U2SURP: variants seen among roughly 807,000 people sequenced by gnomAD.
U2SURP encodes the protein U2 snRNP associated SURP domain containing, also known as U2 snRNP-associated SURP motif-containing protein.
A neutral mutation model predicts 144.9 loss-of-function variants in U2SURP; 9 were observed. The ratio of observed to expected loss-of-function variants is 0.06; its 90% CI spans 0.04 to 0.11. The LOEUF (loss-of-function observed/expected upper bound fraction) is 0.11. U2SURP is among the 10% of genes least tolerant of loss of function. The pLI, the probability that U2SURP is intolerant of heterozygous loss-of-function variation, is 1.00. For missense variants in U2SURP, 724 were observed against 1,226.7 expected, an observed-to-expected ratio of 0.59 and a Z score of 6.12; for synonymous variants, 408 against 396.8, an observed-to-expected ratio of 1.03 and a Z score of -0.33.
In U2SURP at chr3:143,038,094, T is replaced by C. The variant is rs1214800353; in HGVS notation, c.2222-14T>C. ...ACTAGTAGTCAGGGTTAATGGCTTA[T>C]CTTTCCCTAATAGTGGATGCAACTG... On this transcript the variant is annotated splice_polypyrimidine_tract_variant and intron_variant, in intron 21 of 27. Transcript: ENST00000473835. 2 of 1,585,690 alleles carry C rather than the reference T, an allele frequency of 1.3e-6. No homozygotes were observed. Among genetic ancestry groups the C allele is most frequent in the Non-Finnish European group, 1.7e-6 (2 of 1,167,572 alleles).
Position 143,056,430 on chromosome 3 carries a change from T to C in U2SURP, c.3070T>C (p.Ser1024Pro). The change falls in exon 28 of 28, where the codon TCA becomes CCA. Residue 1024 changes from serine (S) to proline (P), a missense_variant. This residue lies in a region of U2SURP where 129 missense variants were observed against 196.1 expected (regional missense o/e 0.66). Coordinates refer to ENST00000473835, the MANE Select transcript of U2SURP (RefSeq NM_001080415.2). Reference protein sequence around the residue: ...SRSPHRSHKKSKKNKH With the variant: ...SRSPHRSHKKPKKNKH ...ATCTCCACACAGGTCTCATAAAAAGTCAAAGAAAAACAAACACTGACGTAA... is the reference window on the plus strand; with the variant it reads ...ATCTCCACACAGGTCTCATAAAAAGCCAAAGAAAAACAAACACTGACGTAA... 1.1e-5 allele frequency: 17 copies of C among 1,611,968 alleles called. No individual in the cohort carries two copies. Among genetic ancestry groups the C allele is most frequent in the Non-Finnish European group, 1.4e-5 (17 of 1,178,982 alleles).
intron 2 of U2SURP, among the ~76,000 whole-genome samples, chr3:143,011,648 C>T (rs1157731053): frequency 1.3e-5 from 2 of 151,996 alleles, no homozygotes; most frequent in African/African-American, 4.8e-5. Context: ...AATAATTTCA[C>T]TTAAAAAACT....
rs140063355 is a variant in U2SURP, at chr3:143,036,217, A to G, written c.2064+113A>G. 204 of 1,188,792 alleles carry G rather than the reference A, an allele frequency of 1.7e-4. No individual in the cohort carries two copies. The African/African-American group carries it at 1.7e-3, about 10-fold the overall frequency. The allele number at this position is 1,188,792 out of a possible 1,614,324, so 73.6% of individuals were successfully genotyped here. A position where few individuals can be genotyped will look rare whatever the true frequency, so the allele number is the denominator to read the frequency against. ...GTACATTTCTTTGTGAAAAATATCTATTGCTTACCATTAAGTAGTGGATTT... is the reference window on the plus strand; with the variant it reads ...GTACATTTCTTTGTGAAAAATATCTGTTGCTTACCATTAAGTAGTGGATTT... On this transcript the variant is annotated intron_variant, in intron 20 of 27. Transcript: ENST00000473835.
chr3:143,021,058 G>C (rs1451143718), intron 8 of U2SURP, among the ~76,000 whole-genome samples: 1 of 152,146 alleles, frequency 6.6e-6, no homozygotes, highest in Non-Finnish European at 1.5e-5. Flanking sequence ...GGGCGTGGTG[G>C]TGCGTGCCTG....
At chr3:143,014,165 G>A (rs777711596) in intron 3 of U2SURP, 146 bp from the exon 4 acceptor site, 30 of 454,210 alleles carry the variant, frequency 6.6e-5, no homozygotes, top group Non-Finnish European at 9.2e-5. Context: ...GGCACCTGAT[G>A]TGTAGAGTAG....
intron 1 of U2SURP, among the ~76,000 whole-genome samples, chr3:143,007,083 A>G (rs961858735): frequency 7.9e-5 from 12 of 152,206 alleles, no homozygotes; most frequent in African/African-American, 2.9e-4. Context: ...GGCAACAGGT[A>G]GTGTAGTTGG....
chr3:143,014,084 T>G lies in U2SURP; in HGVS notation c.223-227T>G, dbSNP rs555088011. On this transcript the variant is annotated intron_variant, in intron 3 of 27. Transcript: ENST00000473835. ...TTTTTTTTTTAACATGACTTTTGCA[T>G]GTTTTTGACCTTGAGCTAGTAAATG... Among the ~76,000 whole-genome samples, 71 of 152,110 alleles carry G rather than the reference T, an allele frequency of 4.7e-4. 1 individual carries two copies. Among genetic ancestry groups the G allele is most frequent in the Non-Finnish European group, 7.1e-4 (48 of 67,906 alleles).
intron 1 of U2SURP, among the ~76,000 whole-genome samples, chr3:143,008,045 T>C (rs1935935209): frequency 6.6e-6 from 1 of 152,266 alleles, no homozygotes; most frequent in South Asian, 2.1e-4. Flanking sequence ...CATCTTAAGC[T>C]AACTGAAATC....
intron 24 of U2SURP, among the ~76,000 whole-genome samples, chr3:143,046,164 A>G (rs1934424279): frequency 1.3e-5 from 2 of 151,946 alleles, no homozygotes; most frequent in Non-Finnish European, 2.9e-5. Flanking sequence ...GTAGCATGGA[A>G]TAAATAAAAA....
chr3:143,043,800 G>C (rs1459209611), intron 24 of U2SURP, among the ~76,000 whole-genome samples: 1 of 147,174 alleles, frequency 6.8e-6, no homozygotes, highest in South Asian at 2.1e-4. Context: ...ATGGAGTCTC[G>C]CAGTGTCACC....
intron 20 of U2SURP, chr3:143,036,835 A>G (rs971755275): frequency 4.9e-6 from 1 of 205,688 alleles, no homozygotes; most frequent in African/African-American, 2.3e-5. Flanking sequence ...TACCATAGTT[A>G]CAGATAAGTA....
At chr3:143,018,098 G>T (rs1936460270) in intron 6 of U2SURP, among the ~76,000 whole-genome samples, 1 of 152,012 alleles carries the variant, frequency 6.6e-6, no homozygotes, top group African/African-American at 2.4e-5. Context: ...CAATTGAGTG[G>T]TTTTAAGTAT....
chr3:143,010,069 A>G (rs535715908), intron 1 of U2SURP, among the ~76,000 whole-genome samples: 76 of 152,352 alleles, frequency 5.0e-4, no homozygotes, highest in African/African-American at 1.8e-3. Context: ...TCTTTCTTTC[A>G]GAAAGATAGC....
At position 143,001,818 on chromosome 3, in the gene U2SURP, G is replaced by A. The variant is rs1935540753; in HGVS notation, c.45+145G>A. ...GGCCCGGGCGCCGCCGCACCGTTGT[G>A]CGCAGGTTGAGAGGCCTGGTATCTC... On this transcript the variant is annotated intron_variant, in intron 1 of 27. Coordinates refer to ENST00000473835, the MANE Select transcript of U2SURP (RefSeq NM_001080415.2). 3.7e-6 allele frequency: 4 copies of A among 1,091,730 alleles called. No homozygotes were observed. The East Asian group carries it at 1.0e-4, about 29-fold the overall frequency. 67.6% of individuals were successfully genotyped at this position (1,091,730 alleles called of 1,614,324 possible). A position where few individuals can be genotyped will look rare whatever the true frequency, so the allele number is the denominator to read the frequency against.
At chr3:143,023,875 G>A (rs1343442598) in intron 12 of U2SURP, 100 bp from the exon 13 acceptor site, 3 of 1,091,180 alleles carry the variant, frequency 2.7e-6, no homozygotes, top group African/African-American at 1.6e-5. Context: ...CTTGTGATTA[G>A]ATATGTAGTA....
At chr3:143,010,998 G>T in intron 2 of U2SURP, 139 bp downstream of exon 2, 7 of 582,688 alleles carry the variant, frequency 1.2e-5, no homozygotes, top group South Asian at 3.5e-5. Context: ...TTTTCTAGGC[G>T]CCTTCCTTTT....
intron 20 of U2SURP, among the ~76,000 whole-genome samples, chr3:143,036,518 T>A (rs1466934842): frequency 6.6e-6 from 1 of 152,186 alleles, no homozygotes; most frequent in African/African-American, 2.4e-5. Context: ...TTTTACCTCC[T>A]AAATAATTAC....
intron 24 of U2SURP, among the ~76,000 whole-genome samples, chr3:143,050,468 C>T (rs1170007297): frequency 6.6e-6 from 1 of 152,230 alleles, no homozygotes; most frequent in Non-Finnish European, 1.5e-5. Flanking sequence ...CTGGTGATTG[C>T]ACTGTGAGTG....
rs377213864 is a variant in U2SURP, at chr3:143,019,152, A to G, written c.571-817A>G. Among the ~76,000 whole-genome samples the G allele has an allele frequency of 2.6e-5, 4 of 152,156 alleles. No homozygotes were observed. In the East Asian group the frequency reaches 5.8e-4, roughly 22 times the overall value. On this transcript the variant is annotated intron_variant, in intron 6 of 27. Transcript: ENST00000473835. ...GGGTTATTTGTATTTTTGTTGTTGA[A>G]TCGTAAGAGTATTTTACATCTTCTT...
Sources: allele counts gnomAD v4.1 joint callset (sites outside exome capture counted in the v4.1 genomes callset), GRCh38; gene constraint gnomAD v4.1.1; regional missense constraint gnomAD v4.1.1; transcripts MANE v1.5; gene names NCBI Gene and HGNC (gene_info 2026-07-23, HGNC 2026-07-21).